The following TRDN variants were observed in gnomAD, a reference collection of about 807,000 sequenced individuals.
TRDN encodes the protein triadin, also known as triadin in skeletal muscle.
TRDN carries 161 observed loss-of-function variants against 149.7 expected under a neutral mutation model. The observed-to-expected ratio is 1.08, with a 90% CI of 0.95 to 1.23. TRDN has a LOEUF of 1.23. TRDN is among the 50% of genes most tolerant of loss of function. The probability of loss-of-function intolerance (pLI) is 0.00; values close to 1 mark genes in which losing one functional copy is unlikely to be tolerated. For missense variants in TRDN, 896 were observed against 823.5 expected, an observed-to-expected ratio of 1.09 and a Z score of -1.08; for synonymous variants, 294 against 250.5, an observed-to-expected ratio of 1.17 and a Z score of -1.64.
At chr6:123,556,884 T>C (rs985843909) in intron 2 of TRDN, among the ~76,000 whole-genome samples, 6 of 152,158 alleles carry the variant, frequency 3.9e-5, no homozygotes, top group African/African-American at 1.4e-4. Context: ...ATATCCCCTG[T>C]GACCTGCATG....
chr6:123,280,837 T>A (rs1420691367), intron 24 of TRDN, among the ~76,000 whole-genome samples: 1 of 152,096 alleles, frequency 6.6e-6, no homozygotes. Flanking sequence ...TGCCTTCTTT[T>A]CTACATTGTG....
chr6:123,427,455 G>A (rs887779911), intron 12 of TRDN, among the ~76,000 whole-genome samples: 17 of 151,996 alleles, frequency 1.1e-4, no homozygotes, highest in African/African-American at 4.1e-4. Context: ...CTTCTTAAAT[G>A]TAATGTAATC....
chr6:123,264,341 G>C (rs1776866472), intron 33 of TRDN, among the ~76,000 whole-genome samples: 1 of 152,062 alleles, frequency 6.6e-6, no homozygotes, highest in Non-Finnish European at 1.5e-5. Context: ...AGAGGTTTAA[G>C]GATTCAGTAG....
At chr6:123,358,557 T>G (rs562989557) in intron 20 of TRDN, among the ~76,000 whole-genome samples, 1 of 152,150 alleles carries the variant, frequency 6.6e-6, no homozygotes, top group East Asian at 1.9e-4. Context: ...CTCTGCCTTC[T>G]GGGTTCAAGC....
At chr6:123,322,617 TTATTA>T (rs1321684017) in intron 23 of TRDN, among the ~76,000 whole-genome samples, 10 of 12,520 alleles carry the variant, frequency 8.0e-4, no homozygotes, top group East Asian at 4.9e-3. Flanking sequence ...TTAAAATTTA[TTATTA>T]TTATTATTAT....
chr6:123,390,513 T>C (rs921093493), intron 13 of TRDN, among the ~76,000 whole-genome samples: 19 of 152,186 alleles, frequency 1.2e-4, no homozygotes, highest in Admixed American at 1.3e-4. Context: ...TATTCCATCA[T>C]AACTGATTCT....
intron 24 of TRDN, among the ~76,000 whole-genome samples, chr6:123,310,474 C>T (rs1778778972): frequency 6.6e-6 from 1 of 151,944 alleles, no homozygotes; most frequent in African/African-American, 2.4e-5. Context: ...TTTTTTATCT[C>T]ATTTTGATAA....
chr6:123,548,595 T>C lies in TRDN; in HGVS notation c.250A>G (p.Ile84Val). 6.8e-7 allele frequency: 1 copy of C among 1,470,616 alleles called. No individual in the cohort carries two copies. Among genetic ancestry groups the C allele is most frequent in the Non-Finnish European group, 9.0e-7 (1 of 1,110,272 alleles). 91.1% of individuals were successfully genotyped at this position (1,470,616 alleles called of 1,614,324 possible). Residue 84 changes from isoleucine (I) to valine (V), a missense_variant, in exon 3 of 41, where the codon ATT (isoleucine) becomes GTT (valine). Ile to Val is a conservative substitution (Grantham distance 29, BLOSUM62 3). Transcript: ENST00000334268. ...KNFSASSIAK[I>V]GSDPLKLVRD... is the part of the protein sequence containing the mutation. ...ACCAGTTTTAAAGGATCTGAGCCAA[T>C]CTTGGCAATAGAGCTTGCTAAAAGT... is the stretch of plus-strand genomic sequence containing the variant.
intron 1 of TRDN, among the ~76,000 whole-genome samples, chr6:123,599,147 T>C (rs1233864433): frequency 6.6e-6 from 1 of 152,130 alleles, no homozygotes; most frequent in East Asian, 1.9e-4. Flanking sequence ...TTGATAACAA[T>C]GATAAATATT....
At chr6:123,240,720 C>A (rs139632910) in intron 38 of TRDN, among the ~76,000 whole-genome samples, 2 of 151,710 alleles carry the variant, frequency 1.3e-5, no homozygotes, top group Non-Finnish European at 3.0e-5. Context: ...TAACTACATC[C>A]GAATTAGACT....
intron 9 of TRDN, among the ~76,000 whole-genome samples, chr6:123,479,939 C>T (rs926247282): frequency 1.3e-5 from 2 of 151,830 alleles, no homozygotes; most frequent in African/African-American, 4.8e-5. Flanking sequence ...ACTTAAAATA[C>T]AAAGAACACA....
chr6:123,282,579 T>C (rs1423422306), intron 24 of TRDN, among the ~76,000 whole-genome samples: 4 of 151,746 alleles, frequency 2.6e-5, no homozygotes, highest in Non-Finnish European at 4.4e-5. Flanking sequence ...CAATCTAGAG[T>C]GCGCTAAAGC....
chr6:123,451,828 C>T (rs6931676), intron 10 of TRDN, among the ~76,000 whole-genome samples: 22,954 of 151,970 alleles, frequency 0.15, 2,248 homozygotes, highest in African/African-American at 0.28. Flanking sequence ...CCTTGATGAA[C>T]ATAAATGTTA....
intron 38 of TRDN, among the ~76,000 whole-genome samples, chr6:123,231,563 A>G (rs182099045): frequency 1.3e-5 from 2 of 152,168 alleles, no homozygotes; most frequent in East Asian, 1.9e-4. Flanking sequence ...ATTTTAATGT[A>G]GTTTATACCT....
chr6:123,301,768 T>TACATATATATATATATATAC (rs1778427254), intron 24 of TRDN, among the ~76,000 whole-genome samples: 33 of 92,686 alleles, frequency 3.6e-4, no homozygotes, highest in South Asian at 1.2e-3. Context: ...TATATATATA[T>TACATATATATATATATATAC]ACATATATAT....
chr6:123,590,326 G>A lies in TRDN; in HGVS notation c.23-19194C>T, dbSNP rs375879350. On this transcript the variant is annotated intron_variant, in intron 1 of 40. Transcript: ENST00000334268. ...AATCTAGGTTGTTGGTTCCTTATGAGAATCTAATGCCTGATGATCTGTCAC... is the reference window on the plus strand; with the variant it reads ...AATCTAGGTTGTTGGTTCCTTATGAAAATCTAATGCCTGATGATCTGTCAC... Among the ~76,000 whole-genome samples, 3 of 152,198 alleles carry A rather than the reference G, an allele frequency of 2.0e-5. No homozygotes were observed. In the East Asian group the frequency reaches 5.8e-4, roughly 29 times the overall value.
chr6:123,333,979 A>T (rs1779764323), intron 22 of TRDN, among the ~76,000 whole-genome samples: 1 of 151,992 alleles, frequency 6.6e-6, no homozygotes, highest in African/African-American at 2.4e-5. Context: ...TGGAAAAATA[A>T]TTCCCTAAGG....
intron 22 of TRDN, 31 bp downstream of exon 22, chr6:123,337,588 T>A: frequency 9.1e-7 from 1 of 1,102,872 alleles, no homozygotes; most frequent in Non-Finnish European, 1.3e-6. Flanking sequence ...CCTAATAAAT[T>A]TGTAATATTA....
Position 123,636,707 on chromosome 6 carries a change from C to A in TRDN, c.22+47G>T, listed in dbSNP as rs377414390. ...GACAGTTAATGTGGCTGTCGATTTG[C>A]ATATTTTTTTTCCTTACTTGATACT... On this transcript the variant is annotated intron_variant, in intron 1 of 40. Transcript: ENST00000334268. The A allele has an allele frequency of 3.4e-5, 55 of 1,606,392 alleles. No individual in the cohort carries two copies. The Admixed American group carries it at 9.2e-4, about 27-fold the overall frequency.
Sources: allele counts gnomAD v4.1 joint callset (sites outside exome capture counted in the v4.1 genomes callset), GRCh38; gene constraint gnomAD v4.1.1; transcripts MANE v1.5; gene names NCBI Gene and HGNC (gene_info 2026-07-23, HGNC 2026-07-21).